The following CIBAR1 variants were observed in gnomAD, a reference collection of about 807,000 sequenced individuals.
CIBAR1 encodes CBY1-interacting BAR domain-containing protein 1.
In CIBAR1, 25 loss-of-function variants were observed where a neutral mutation model predicts 44.0. The ratio of observed to expected loss-of-function variants is 0.57; its 90% CI spans 0.41 to 0.79. CIBAR1 has a LOEUF of 0.79. Ranked by LOEUF, CIBAR1 falls within the 30% of genes least tolerant of loss-of-function variation. CIBAR1 has a pLI of 0.00. For missense variants in CIBAR1, 278 were observed against 344.8 expected (o/e 0.81, Z 1.53); for synonymous variants, 115 against 119.0 (o/e 0.97, Z 0.22).
At chr8:93,702,663 C>T in intron 2 of CIBAR1, 1 of 277,590 alleles carries the variant, frequency 3.6e-6, no homozygotes. Flanking sequence ...TTTTAGGATT[C>T]CTAATATTTG....
In CIBAR1 at chr8:93,728,929, T is replaced by G. The variant is rs1474891054; in HGVS notation, c.*632T>G. 6.6e-6 allele frequency: 1 copy of G among 152,096 alleles called. No homozygotes were observed. The highest frequency in any genetic ancestry group is 1.5e-5 in the Non-Finnish European group (1 of 67,958). 9.4% of individuals were successfully genotyped at this position (152,096 alleles called of 1,614,324 possible). A position where few individuals can be genotyped will look rare whatever the true frequency, so the allele number is the denominator to read the frequency against. Reference sequence around the variant, plus strand: ...TTTAAAACAAAACTGCTGTCATAATTATACATGATACTGCAACTTTTGGAA... The same window carrying G: ...TTTAAAACAAAACTGCTGTCATAATGATACATGATACTGCAACTTTTGGAA... On this transcript the variant is annotated 3_prime_UTR_variant, in exon 9 of 9. Coordinates refer to ENST00000518322, the MANE Select transcript of CIBAR1 (RefSeq NM_145269.5).
chr8:93,707,230 G>A (rs1043458579), intron 4 of CIBAR1: 2 of 431,394 alleles, frequency 4.6e-6, no homozygotes, highest in African/African-American at 4.1e-5. Context: ...GTGAAAAGAA[G>A]AAATATTAGA....
At position 93,723,124 on chromosome 8, in the gene CIBAR1, C is replaced by G. The variant is rs144880392; in HGVS notation, c.658-3270C>G. ...CCATTCTCCTGCTTCAGCCTCCTGA[C>G]TAGCTGGGACTACAGGCACCCGCCA... On this transcript the variant is annotated intron_variant, in intron 7 of 8. Transcript: ENST00000518322. Among the ~76,000 whole-genome samples the G allele has an allele frequency of 6.4e-3, 972 of 152,286 alleles. 4 individuals carry two copies. The highest frequency in any genetic ancestry group is 7.4e-3 in the Non-Finnish European group (500 of 68,020).
At position 93,728,329 on chromosome 8, in the gene CIBAR1, T is replaced by C; in HGVS notation, c.*32T>C. On this transcript the variant is annotated 3_prime_UTR_variant, in exon 9 of 9. Coordinates refer to ENST00000518322, the MANE Select transcript of CIBAR1 (RefSeq NM_145269.5). ...CATTTCCATTTTCATCATAAATGAC[T>C]TGAAATCCACAATGACTAAATTGTA... 7.1e-7 allele frequency: 1 copy of C among 1,402,084 alleles called. No homozygotes were observed. The highest frequency in any genetic ancestry group is 9.9e-7 in the Non-Finnish European group (1 of 1,009,792). The allele number at this position is 1,402,084 out of a possible 1,614,324, so 86.9% of individuals were successfully genotyped here.
intron 7 of CIBAR1, among the ~76,000 whole-genome samples, chr8:93,725,215 T>C (rs1232235896): frequency 6.6e-6 from 1 of 152,158 alleles, no homozygotes; most frequent in African/African-American, 2.4e-5. Flanking sequence ...ACTCCTAGGC[T>C]CAAGTGATCC....
rs35465241 is a variant in CIBAR1, at chr8:93,710,836, CA to C, written c.543+977del. Among the ~76,000 whole-genome samples the C allele has an allele frequency of 2.8e-3, 339 of 120,550 alleles. 1 individual carries two copies. The highest frequency in any genetic ancestry group is 8.5e-3 in the African/African-American group (258 of 30,230). The allele number at this position is 120,550 out of a possible 152,430, so 79.1% of individuals were successfully genotyped here. A position where few individuals can be genotyped will look rare whatever the true frequency, so the allele number is the denominator to read the frequency against. Reference sequence around the variant, plus strand: ...TGGGTGACAGAGCGAGACTCTGACTCAAAAAAAAAAAAAAAAGAAATTAAGC... The same window carrying C: ...TGGGTGACAGAGCGAGACTCTGACTCAAAAAAAAAAAAAAAGAAATTAAGC... On this transcript the variant is annotated intron_variant, in intron 6 of 8. Coordinates refer to ENST00000518322, the MANE Select transcript of CIBAR1 (RefSeq NM_145269.5).
chr8:93,704,513 T>C (rs1810500120), intron 3 of CIBAR1, among the ~76,000 whole-genome samples: 1 of 152,206 alleles, frequency 6.6e-6, no homozygotes, highest in Non-Finnish European at 1.5e-5. Context: ...ACTCACCTGC[T>C]GTGCTGGCCC....
chr8:93,725,534 ATT>A (rs1811454215), intron 7 of CIBAR1, among the ~76,000 whole-genome samples: 1 of 152,136 alleles, frequency 6.6e-6, no homozygotes, highest in South Asian at 2.1e-4. Context: ...TGGAAAAGAA[ATT>A]TGTTTAAAAA....
chr8:93,716,582 TAAAGAG>T (rs891160451), intron 6 of CIBAR1, among the ~76,000 whole-genome samples: 9 of 152,268 alleles, frequency 5.9e-5, no homozygotes, highest in African/African-American at 1.9e-4. Flanking sequence ...CCCTTCAAAT[TAAAGAG>T]AAAGTATGTT....
rs1314454703 is a variant in CIBAR1, at chr8:93,726,376, AT to A, written c.658-14del. 1 of 1,604,980 alleles carries A rather than the reference AT, an allele frequency of 6.2e-7. No individual in the cohort carries two copies. The highest frequency in any genetic ancestry group is 8.5e-7 in the Non-Finnish European group (1 of 1,174,036). ...TGTTTAGCATCTACTTTATAATGCT[AT>A]TTTATCATTACAATAGGTTTTCCGA... On this transcript the variant is annotated splice_polypyrimidine_tract_variant and intron_variant, in intron 7 of 8. Transcript: ENST00000518322.
intron 7 of CIBAR1, among the ~76,000 whole-genome samples, chr8:93,722,387 T>G (rs1318320306): frequency 2.0e-5 from 3 of 152,220 alleles, no homozygotes; most frequent in African/African-American, 7.2e-5. Context: ...ACAAACCATC[T>G]TAATTGTTCT....
chr8:93,720,472 A>G (rs1422963278), intron 7 of CIBAR1, among the ~76,000 whole-genome samples: 1 of 152,186 alleles, frequency 6.6e-6, no homozygotes, highest in African/African-American at 2.4e-5. Context: ...ATATATACAT[A>G]TTTATATTTC....
chr8:93,704,905 G>T lies in CIBAR1; in HGVS notation c.331-4G>T, dbSNP rs1481243070. On this transcript the variant is annotated splice_region_variant and splice_polypyrimidine_tract_variant and intron_variant, in intron 3 of 8. Coordinates refer to ENST00000518322, the MANE Select transcript of CIBAR1 (RefSeq NM_145269.5). ...TTTACTAACAAAAAAATGCCAATTT[G>T]CAGGATGACCTCAAAGCAACACTCA... 1.9e-6 allele frequency: 3 copies of T among 1,547,776 alleles called. No homozygotes were observed. The highest frequency in any genetic ancestry group is 4.6e-5 in the East Asian group (2 of 43,202).
intron 3 of CIBAR1, among the ~76,000 whole-genome samples, chr8:93,704,252 A>G (rs1810488262): frequency 6.6e-6 from 1 of 152,214 alleles, no homozygotes; most frequent in South Asian, 2.1e-4. Flanking sequence ...TTGCTTTACT[A>G]TATGAATATA....
chr8:93,726,158 C>T (rs1015770983), intron 7 of CIBAR1: 9 of 353,968 alleles, frequency 2.5e-5, no homozygotes, highest in African/African-American at 1.7e-4. Flanking sequence ...ATGATTGTTT[C>T]ATGACTAATT....
intron 7 of CIBAR1, among the ~76,000 whole-genome samples, chr8:93,723,233 T>C (rs1254707250): frequency 6.6e-6 from 1 of 152,186 alleles, no homozygotes; most frequent in Admixed American, 6.5e-5. Flanking sequence ...CCTGACCTCA[T>C]GATCCGCCCG....
In CIBAR1 at chr8:93,709,786, C is replaced by G. The variant is rs1810747337; in HGVS notation, c.454C>G (p.Gln152Glu). 2 of 1,613,058 alleles carry G rather than the reference C, an allele frequency of 1.2e-6. No individual in the cohort carries two copies. Among genetic ancestry groups the G allele is most frequent in the African/African-American group, 2.7e-5 (2 of 74,844 alleles). The change falls in exon 6 of 9, where the codon CAG (glutamine) becomes GAG (glutamate). Residue 152 changes from glutamine to glutamate, a missense_variant. Coordinates refer to ENST00000518322, the MANE Select transcript of CIBAR1 (RefSeq NM_145269.5). ...HVISQAETEL[Q>E]RAAMDASRTS... Reference sequence around the variant, plus strand: ...ACTTTTGTAGGCAGAAACGGAATTACAGAGAGCTGCAATGGATGCTAGCCG... The same window carrying G: ...ACTTTTGTAGGCAGAAACGGAATTAGAGAGAGCTGCAATGGATGCTAGCCG...
chr8:93,710,437 A>G (rs1450957077), intron 6 of CIBAR1, among the ~76,000 whole-genome samples: 6 of 152,152 alleles, frequency 3.9e-5, no homozygotes, highest in African/African-American at 4.8e-5. Context: ...CACAAATACT[A>G]TTTAATCAAG....
At chr8:93,703,527 A>C in intron 2 of CIBAR1, 93 bp from the exon 3 acceptor site, 1 of 729,604 alleles carries the variant, frequency 1.4e-6, no homozygotes, top group South Asian at 2.2e-5. Context: ...TTGAGTTTAG[A>C]TTCTGAGTCT....
Sources: allele counts gnomAD v4.1 joint callset (sites outside exome capture counted in the v4.1 genomes callset), GRCh38; gene constraint gnomAD v4.1.1; transcripts MANE v1.5; gene names NCBI Gene and HGNC (gene_info 2026-07-23, HGNC 2026-07-21).